RBFOX1: variants seen among roughly 807,000 people sequenced by gnomAD.
RBFOX1 encodes the protein RNA binding protein fox-1 homolog 1.
Under a neutral mutation model 57.7 loss-of-function variants are expected in RBFOX1, and 8 were observed. The ratio of observed to expected loss-of-function variants is 0.14; its 90% CI spans 0.08 to 0.25. The LOEUF (loss-of-function observed/expected upper bound fraction) is 0.25, where lower values mean the gene tolerates loss of function less well. Among genes scored for constraint, RBFOX1 ranks in the 10% least tolerant of loss-of-function variants. The pLI, the probability that RBFOX1 is intolerant of heterozygous loss-of-function variation, is 1.00. For synonymous variants in RBFOX1, 326 were observed against 222.4 expected (o/e 1.47, Z -4.15); for missense variants, 611 against 548.5 (o/e 1.11, Z -1.14).
chr16:6,393,165 T>G (rs2092680861), intron 2 of RBFOX1, among the ~76,000 whole-genome samples: 1 of 152,246 alleles, frequency 6.6e-6, no homozygotes, highest in South Asian at 2.1e-4. Flanking sequence ...CTAATGGAGC[T>G]GGTGTGAATT....
chr16:5,671,379 C>T (rs754422507), intron 3 of RBFOX1, among the ~76,000 whole-genome samples: 5 of 152,122 alleles, frequency 3.3e-5, no homozygotes, highest in East Asian at 1.9e-4. Flanking sequence ...TATAGGAATC[C>T]GGTTCTTTTC....
chr16:6,929,304 T>A (rs6500881), intron 3 of RBFOX1, among the ~76,000 whole-genome samples: 9 of 151,744 alleles, frequency 5.9e-5, no homozygotes, highest in Non-Finnish European at 1.3e-4. Context: ...CTCTGGTAAA[T>A]GGAAGAGGGG....
chr16:6,684,270 G>C (rs183879311), intron 3 of RBFOX1, among the ~76,000 whole-genome samples: 19 of 152,180 alleles, frequency 1.2e-4, no homozygotes, highest in African/African-American at 4.6e-4. Context: ...AGATGGCAGT[G>C]CACGATAAAG....
At chr16:7,230,830 G>A (rs2093456287) in intron 4 of RBFOX1, among the ~76,000 whole-genome samples, 3 of 152,178 alleles carry the variant, frequency 2.0e-5, no homozygotes, top group South Asian at 2.1e-4. Flanking sequence ...TTACCCTGCA[G>A]AGCTGATACT....
intron 4 of RBFOX1, among the ~76,000 whole-genome samples, chr16:7,069,804 T>G (rs753306512): frequency 1.6e-4 from 25 of 152,148 alleles, no homozygotes; most frequent in Non-Finnish European, 3.4e-4. Flanking sequence ...TAACAAAAAT[T>G]GTGTTCCTCC....
At chr16:7,033,656 A>G (rs1301873703) in intron 3 of RBFOX1, among the ~76,000 whole-genome samples, 3 of 152,166 alleles carry the variant, frequency 2.0e-5, no homozygotes, top group African/African-American at 7.2e-5. Context: ...AAAGCAGATG[A>G]GGAAGGGAGG....
chr16:6,353,433 T>C (rs1304437960), intron 2 of RBFOX1, among the ~76,000 whole-genome samples: 1 of 151,938 alleles, frequency 6.6e-6, no homozygotes, highest in Non-Finnish European at 1.5e-5. Context: ...CTGACAAATA[T>C]AACTTGTCAT....
At chr16:6,996,517 G>A (rs1199834244) in intron 3 of RBFOX1, among the ~76,000 whole-genome samples, 3 of 152,068 alleles carry the variant, frequency 2.0e-5, no homozygotes, top group Non-Finnish European at 4.4e-5. Context: ...AAAATAAGTA[G>A]GGCTTGCATA....
intron 2 of RBFOX1, among the ~76,000 whole-genome samples, chr16:5,487,299 C>T (rs950849910): frequency 2.6e-5 from 4 of 152,262 alleles, no homozygotes; most frequent in Admixed American, 6.5e-5. Flanking sequence ...TTCTTGAGTT[C>T]GTAGCACAGG....
chr16:6,236,697 C>G (rs961043542), intron 1 of RBFOX1, among the ~76,000 whole-genome samples: 1 of 152,104 alleles, frequency 6.6e-6, no homozygotes, highest in Non-Finnish European at 1.5e-5. Context: ...ATGATCCACC[C>G]ACCTCAGACT....
intron 3 of RBFOX1, among the ~76,000 whole-genome samples, chr16:6,879,860 A>G (rs2062576423): frequency 1.3e-5 from 2 of 152,238 alleles, no homozygotes; most frequent in African/African-American, 4.8e-5. Context: ...ATTTTGAATT[A>G]TCTCATAAAT....
chr16:6,958,220 C>T (rs1369889906), intron 3 of RBFOX1, among the ~76,000 whole-genome samples: 2 of 152,184 alleles, frequency 1.3e-5, no homozygotes, highest in African/African-American at 4.8e-5. Flanking sequence ...GTAAGCTTGG[C>T]CGTCTTTGCT....
chr16:5,453,892 A>G (rs1486456063), intron 1 of RBFOX1, among the ~76,000 whole-genome samples: 1 of 152,062 alleles, frequency 6.6e-6, no homozygotes, highest in Non-Finnish European at 1.5e-5. Flanking sequence ...GCCTGCTGGG[A>G]GATTTTGTTG....
intron 2 of RBFOX1, among the ~76,000 whole-genome samples, chr16:6,634,602 A>G (rs1490988581): frequency 6.9e-6 from 1 of 145,668 alleles, no homozygotes; most frequent in Non-Finnish European, 1.5e-5. Context: ...ATATTAATCT[A>G]TGTAATATAT....
At chr16:7,636,123 T>A (rs1156726956) in intron 11 of RBFOX1, among the ~76,000 whole-genome samples, 1 of 152,248 alleles carries the variant, frequency 6.6e-6, no homozygotes, top group Non-Finnish European at 1.5e-5. Context: ...GCTACCTCTT[T>A]TTCTATTCCC....
At chr16:5,626,454 T>A (rs963074918) in intron 3 of RBFOX1, among the ~76,000 whole-genome samples, 1 of 152,162 alleles carries the variant, frequency 6.6e-6, no homozygotes, top group African/African-American at 2.4e-5. Context: ...TACCTGTCTT[T>A]CAAGACCCTG....
chr16:5,622,903 A>G (rs910351556), intron 3 of RBFOX1, among the ~76,000 whole-genome samples: 7 of 152,242 alleles, frequency 4.6e-5, no homozygotes, highest in Admixed American at 3.9e-4. Context: ...CCTAAACAAC[A>G]CAGTATAACA....
intron 3 of RBFOX1, among the ~76,000 whole-genome samples, chr16:7,022,029 TTCCCCTCCCCTTC>T (rs1428464199): frequency 2.1e-3 from 15 of 7,146 alleles, no homozygotes; most frequent in Non-Finnish European, 3.1e-3. Flanking sequence ...CCCCCTCCCC[TTCCCCTCCCCTTC>T]CCCCTCCCCT....
intron 3 of RBFOX1, among the ~76,000 whole-genome samples, chr16:6,894,493 T>C (rs1239074846): frequency 6.6e-6 from 1 of 152,190 alleles, no homozygotes; most frequent in Non-Finnish European, 1.5e-5. Flanking sequence ...GGAATCTGTC[T>C]CATGTTTCTG....
Sources: allele counts gnomAD v4.1 joint callset (sites outside exome capture counted in the v4.1 genomes callset), GRCh38; gene constraint gnomAD v4.1.1; transcripts MANE v1.5; gene names NCBI Gene and HGNC (gene_info 2026-07-23, HGNC 2026-07-21).